NFAM1: variants seen among roughly 807,000 people sequenced by gnomAD.
NFAM1 encodes NFAT activation molecule 1.
In NFAM1, 17 loss-of-function variants were observed where a neutral mutation model predicts 29.0. The observed-to-expected ratio is 0.59, with a 90% CI of 0.40 to 0.88. NFAM1 has a LOEUF of 0.88. Ranked by LOEUF, NFAM1 falls within the 40% of genes least tolerant of loss-of-function variation. NFAM1 has a pLI of 0.00. For synonymous variants in NFAM1, 175 were observed against 147.2 expected, an observed-to-expected ratio of 1.19 and a Z score of -1.36; for missense variants, 324 against 344.6, an observed-to-expected ratio of 0.94 and a Z score of 0.47.
intron 4 of NFAM1, among the ~76,000 whole-genome samples, chr22:42,397,204 G>A (rs1929559593): frequency 6.6e-6 from 1 of 152,158 alleles, no homozygotes; most frequent in Non-Finnish European, 1.5e-5. Context: ...CTGGCTGGCT[G>A]GCCAGGCTGG....
upstream of NFAM1, chr22:42,432,447 T>C (rs2146563753): frequency 6.9e-7 from 1 of 1,446,446 alleles, no homozygotes; most frequent in East Asian, 2.5e-5. Flanking sequence ...CCCACGAAGC[T>C]CCTCCCTGGC....
At chr22:42,396,662 C>T (rs899797580) in intron 4 of NFAM1, among the ~76,000 whole-genome samples, 4 of 152,152 alleles carry the variant, frequency 2.6e-5, no homozygotes, top group Non-Finnish European at 5.9e-5. Context: ...CGGCCACGTG[C>T]AAAACCGTGG....
chr22:42,411,014 C>CTTTTCTTTTTTTTTTTTTTTTT, intron 2 of NFAM1, among the ~76,000 whole-genome samples: 1 of 122,072 alleles, frequency 8.2e-6, no homozygotes, highest in Non-Finnish European at 1.6e-5. Context: ...TATTTCTTTT[C>CTTTTCTTTTTTTTTTTTTTTTT]TTTTCTTTTT....
At chr22:42,424,911 G>GTATTTATTTATT (rs67558344) in intron 1 of NFAM1, among the ~76,000 whole-genome samples, 2,188 of 147,886 alleles carry the variant, frequency 0.015, 52 homozygotes, top group East Asian at 0.068. Flanking sequence ...CTTTCTTTTC[G>GTATTTATTTATT]TATTTATTTA....
intron 4 of NFAM1, among the ~76,000 whole-genome samples, 175 bp from the exon 5 acceptor site, chr22:42,387,253 C>T (rs1315985313): frequency 6.6e-6 from 1 of 152,108 alleles, no homozygotes; most frequent in East Asian, 1.9e-4. Context: ...TTCCCCTTCC[C>T]TGCCTGTAAA....
In NFAM1 at chr22:42,409,648, T is replaced by C; in HGVS notation, c.452-101A>G. 1 of 518,958 alleles carries C rather than the reference T, an allele frequency of 1.9e-6. No homozygotes were observed. The highest frequency in any genetic ancestry group is 4.2e-5 in the South Asian group (1 of 24,016). The allele number at this position is 518,958 out of a possible 1,614,324, so 32.1% of individuals were successfully genotyped here. Reference sequence around the variant, plus strand: ...TCACTCAGGACCCTGTTTTCAATGCTACCCCGCCAACACGCTCCACACCCC... The same window carrying C: ...TCACTCAGGACCCTGTTTTCAATGCCACCCCGCCAACACGCTCCACACCCC... On this transcript the variant is annotated intron_variant, in intron 2 of 5. Coordinates refer to ENST00000329021, the MANE Select transcript of NFAM1 (RefSeq NM_145912.8). This position sits in a 1 kb window ranked among gnomAD's most constrained non-coding sequence, Gnocchi z 4.9.
intron 4 of NFAM1, among the ~76,000 whole-genome samples, chr22:42,391,407 C>G (rs1327290047): frequency 6.6e-6 from 1 of 152,134 alleles, no homozygotes; most frequent in Non-Finnish European, 1.5e-5. Flanking sequence ...AGACCAGCTG[C>G]TTAGAGACCA....
chr22:42,407,252 T>G lies in NFAM1; in HGVS notation c.564+2183A>C, dbSNP rs1238767627. Among the ~76,000 whole-genome samples, 5 of 151,870 alleles carry G rather than the reference T, an allele frequency of 3.3e-5. No individual in the cohort carries two copies. In the East Asian group the frequency reaches 9.7e-4, roughly 29 times the overall value. ...ATGTGCCACAATACCCAGCTAGTTT[T>G]TGTATTTTTAGTAGAGATGGGGTTT... On this transcript the variant is annotated intron_variant, in intron 3 of 5. Coordinates refer to ENST00000329021, the MANE Select transcript of NFAM1 (RefSeq NM_145912.8).
In NFAM1 at chr22:42,420,823, G is replaced by A. The variant is rs375579391; in HGVS notation, c.122-9087C>T. Reference sequence around the variant, plus strand: ...GCAAGAAAAGAAAACATTCTCAAAGGAAAGAAATATACTTCTTTAAAGGGA... The same window carrying A: ...GCAAGAAAAGAAAACATTCTCAAAGAAAAGAAATATACTTCTTTAAAGGGA... On this transcript the variant is annotated intron_variant, in intron 1 of 5. Transcript: ENST00000329021. 6.6e-5 allele frequency among the ~76,000 whole-genome samples: 10 copies of A among 152,140 alleles called. No individual in the cohort carries two copies. In the East Asian group the frequency reaches 1.3e-3, roughly 21 times the overall value.
At chr22:42,431,775 TC>T (rs34684252) in intron 1 of NFAM1, among the ~76,000 whole-genome samples, 57 of 146,808 alleles carry the variant, frequency 3.9e-4, no homozygotes, top group African/African-American at 1.5e-3. Context: ...GGCCCTGGTA[TC>T]CCCCCCTCCC....
intron 5 of NFAM1, among the ~76,000 whole-genome samples, chr22:42,385,820 A>G (rs570819897): frequency 3.9e-5 from 6 of 152,256 alleles, no homozygotes; most frequent in African/African-American, 1.2e-4. Flanking sequence ...CTGAGTATAG[A>G]AAGGGCTTTG....
At chr22:42,412,849 A>T (rs1398452521) in intron 1 of NFAM1, among the ~76,000 whole-genome samples, 1 of 152,168 alleles carries the variant, frequency 6.6e-6, no homozygotes, top group Non-Finnish European at 1.5e-5. Context: ...ACGTGGGGCC[A>T]TTTCGGCTGT....
chr22:42,431,691 T>C (rs1212078097), intron 1 of NFAM1, among the ~76,000 whole-genome samples: 1 of 152,214 alleles, frequency 6.6e-6, no homozygotes, highest in Non-Finnish European at 1.5e-5. Context: ...TCTGGTTGTG[T>C]TTCAGGAACT....
At chr22:42,405,835 G>A (rs75780252) in intron 3 of NFAM1, among the ~76,000 whole-genome samples, 146 of 152,262 alleles carry the variant, frequency 9.6e-4, no homozygotes, top group African/African-American at 1.6e-3. Context: ...AGGACCATTC[G>A]CGCCAGTGTC....
Position 42,397,925 on chromosome 22 carries a change from G to A in NFAM1, c.596C>T (p.Thr199Ile), listed in dbSNP as rs147344564. 1.9e-6 allele frequency: 3 copies of A among 1,610,778 alleles called. No individual in the cohort carries two copies. In the African/African-American group the frequency reaches 4.0e-5, roughly 22 times the overall value. Residue 199 changes from threonine to isoleucine, a missense_variant, in exon 4 of 6, where the codon ACC becomes ATC. Coordinates refer to ENST00000329021, the MANE Select transcript of NFAM1 (RefSeq NM_145912.8). ...KRMRGPGKDP[T>I]RKCPDPRSAS... is the part of the protein sequence containing the mutation. ...AGATCTTGGATCTGGGCACTTCCTGGTGGGGTCCTTCCCTGGACCCCGCAT... is the reference window on the plus strand; with the variant it reads ...AGATCTTGGATCTGGGCACTTCCTGATGGGGTCCTTCCCTGGACCCCGCAT...
At position 42,388,667 on chromosome 22, in the gene NFAM1, G is replaced by C. The variant is rs923470365; in HGVS notation, c.664-1589C>G. ...GAGGCGGGAGGGAAGGAGGGAGGGA[G>C]GCAGGCGCCAAGAGGCAGCTGGGCA... is the stretch of plus-strand genomic sequence containing the variant. On this transcript the variant is annotated intron_variant, in intron 4 of 5. Transcript: ENST00000329021. The surrounding 1 kb of genome is among the most constrained non-coding windows in gnomAD (Gnocchi z 4.1). Among the ~76,000 whole-genome samples, 2 of 152,180 alleles carry C rather than the reference G, an allele frequency of 1.3e-5. No homozygotes were observed. The highest frequency in any genetic ancestry group is 4.8e-5 in the African/African-American group (2 of 41,444).
chr22:42,420,661 G>T (rs938239804), intron 1 of NFAM1, among the ~76,000 whole-genome samples: 1 of 151,414 alleles, frequency 6.6e-6, no homozygotes. Flanking sequence ...AGCTACTCGG[G>T]AGGCTGAGGC....
intron 4 of NFAM1, among the ~76,000 whole-genome samples, chr22:42,391,544 T>C (rs895383463): frequency 5.3e-5 from 8 of 152,064 alleles, no homozygotes; most frequent in Non-Finnish European, 8.8e-5. Context: ...TGGGCAGTGA[T>C]TGAAACACAG....
intron 1 of NFAM1, among the ~76,000 whole-genome samples, chr22:42,430,623 A>G (rs1930767382): frequency 6.6e-6 from 1 of 151,212 alleles, no homozygotes; most frequent in African/African-American, 2.4e-5. Context: ...ACTCTAGGAC[A>G]CCGTAAGGGT....
Sources: gnomAD v4.1 joint callset for allele counts (sites outside exome capture counted in the v4.1 genomes callset) on GRCh38, gnomAD v4.1.1 for gene constraint, Gnocchi (gnomAD v3.1) non-coding constraint, MANE v1.5 for transcripts, NCBI Gene and HGNC (gene_info 2026-07-23, HGNC 2026-07-21) for gene names.